Variants in DAB1 observed in about 807,000 individuals in gnomAD.
The protein encoded by DAB1 is disabled homolog 1.
Under a neutral mutation model 64.6 loss-of-function variants are expected in DAB1, and 15 were observed. The ratio of observed to expected loss-of-function variants is 0.23; its 90% confidence interval spans 0.16 to 0.36. The LOEUF (loss-of-function observed/expected upper bound fraction) is 0.36. Ranked by LOEUF, DAB1 falls within the 10% of genes least tolerant of loss-of-function variation. DAB1 has a pLI of 1.00. For synonymous variants in DAB1, 235 were observed against 251.9 expected (o/e 0.93, Z 0.64); for missense variants, 596 against 706.7 (o/e 0.84, Z 1.78).
In DAB1 at chr1:57,570,375, G is replaced by A. The variant is rs1467558947; in HGVS notation, n.625+79217C>T. On this transcript the variant is annotated intron_variant and non_coding_transcript_variant, in intron 7 of 20. Transcript: ENST00000485760. ...ATTGTGGGGCCTTGTGATTACGTGA[G>A]TTAATACTTAACAAACTCATATATA... 3.0e-5 allele frequency among the ~76,000 whole-genome samples: 4 copies of A among 133,868 alleles called. No individual in the cohort carries two copies. In the East Asian group the frequency reaches 9.2e-4, roughly 31 times the overall value. The allele number at this position is 133,868 out of a possible 152,430, so 87.8% of individuals were successfully genotyped here.
At chr1:57,982,004 G>A (rs370023431) in intron 5 of DAB1, among the ~76,000 whole-genome samples, 64 of 152,308 alleles carry the variant, frequency 4.2e-4, no homozygotes, top group African/African-American at 1.5e-3. Context: ...ACTGCCTTTG[G>A]ATCAACTGGC....
chr1:57,518,564 T>C (rs1192056868), intron 7 of DAB1, among the ~76,000 whole-genome samples: 1 of 152,244 alleles, frequency 6.6e-6, no homozygotes, highest in Non-Finnish European at 1.5e-5. Flanking sequence ...GATTCCTTTT[T>C]TTCATGTGTG....
At chr1:58,377,264 C>T (rs1644337080) in intron 3 of DAB1, among the ~76,000 whole-genome samples, 3 of 147,688 alleles carry the variant, frequency 2.0e-5, no homozygotes, top group Non-Finnish European at 4.5e-5. Context: ...GATGCAGTTT[C>T]TTCCTAGTCT....
chr1:57,645,780 A>C (rs550836218), intron 7 of DAB1, among the ~76,000 whole-genome samples: 2 of 152,346 alleles, frequency 1.3e-5, no homozygotes, highest in East Asian at 3.9e-4. Flanking sequence ...TTTGAATCTA[A>C]GACATTCAGC....
chr1:57,957,474 T>A (rs903184834), intron 5 of DAB1, among the ~76,000 whole-genome samples: 37 of 152,206 alleles, frequency 2.4e-4, no homozygotes, highest in African/African-American at 8.4e-4. Flanking sequence ...CTTTGAGATA[T>A]ATATTAGACA....
intron 4 of DAB1, among the ~76,000 whole-genome samples, chr1:58,165,087 G>A (rs1655753837): frequency 6.6e-6 from 1 of 152,106 alleles, no homozygotes; most frequent in Admixed American, 6.6e-5. Flanking sequence ...TGCTCCTTTT[G>A]AAAGGGGCCC....
chr1:57,923,982 T>C (rs1021967829), intron 5 of DAB1, among the ~76,000 whole-genome samples: 2 of 152,240 alleles, frequency 1.3e-5, no homozygotes, highest in African/African-American at 2.4e-5. Flanking sequence ...TTAAAGCCAT[T>C]GGACTAGCAA....
chr1:57,014,740 T>TAG, intron 12 of DAB1, 143 bp downstream of exon 12: 2 of 572,184 alleles, frequency 3.5e-6, no homozygotes, highest in Non-Finnish European at 5.8e-6. Flanking sequence ...TGGCAGCTCA[T>TAG]AGTAGTATTA....
chr1:58,443,646 G>A (rs1477559743), intron 3 of DAB1, among the ~76,000 whole-genome samples: 1 of 152,168 alleles, frequency 6.6e-6, no homozygotes, highest in Non-Finnish European at 1.5e-5. Flanking sequence ...GGGTAGGTGA[G>A]AACTCTCTGT....
At chr1:58,499,603 TA>T (rs1645869852) in intron 3 of DAB1, among the ~76,000 whole-genome samples, 1 of 152,132 alleles carries the variant, frequency 6.6e-6, no homozygotes. Context: ...CTACAGTTAA[TA>T]AAAATGTACT....
chr1:58,054,726 C>T (rs985849013), intron 5 of DAB1, among the ~76,000 whole-genome samples: 11 of 152,266 alleles, frequency 7.2e-5, no homozygotes, highest in African/African-American at 2.6e-4. Flanking sequence ...GTCTTTATTG[C>T]ATATAGGATA....
chr1:57,264,732 T>A (rs1670458228), intron 2 of DAB1, among the ~76,000 whole-genome samples: 1 of 152,114 alleles, frequency 6.6e-6, no homozygotes, highest in East Asian at 1.9e-4. Context: ...CTGGGTCAAT[T>A]CCCTACTACC....
At chr1:58,481,414 T>C (rs1332918728) in intron 3 of DAB1, among the ~76,000 whole-genome samples, 1 of 152,170 alleles carries the variant, frequency 6.6e-6, no homozygotes, top group East Asian at 1.9e-4. Flanking sequence ...ATTAATAATC[T>C]GTAACAACTG....
chr1:57,228,234 A>G (rs1232500841), intron 2 of DAB1, among the ~76,000 whole-genome samples: 4 of 152,162 alleles, frequency 2.6e-5, no homozygotes, highest in Non-Finnish European at 5.9e-5. Context: ...TATCCATTTT[A>G]TAATCTGTCA....
chr1:58,379,767 G>C (rs1176860869), intron 3 of DAB1, among the ~76,000 whole-genome samples: 18 of 152,206 alleles, frequency 1.2e-4, no homozygotes, highest in Admixed American at 1.2e-3. Flanking sequence ...GCTGGGATGA[G>C]TACTGTGGAG....
chr1:58,444,994 A>G (rs1557763950), intron 3 of DAB1, among the ~76,000 whole-genome samples: 4 of 152,194 alleles, frequency 2.6e-5, no homozygotes, highest in Non-Finnish European at 2.9e-5. Context: ...TTCTACCTCA[A>G]ATATATATCA....
chr1:58,435,140 T>G (rs1169509808), intron 3 of DAB1, among the ~76,000 whole-genome samples: 1 of 152,178 alleles, frequency 6.6e-6, no homozygotes, highest in Non-Finnish European at 1.5e-5. Flanking sequence ...GGGAGATTGG[T>G]GGGCAGGAGG....
rs138559172 is a variant in DAB1, at chr1:58,134,542, C to A, written n.387+15969G>T. Among the ~76,000 whole-genome samples the A allele has an allele frequency of 2.0e-4, 30 of 152,160 alleles. No homozygotes were observed. The East Asian group carries it at 4.0e-3, about 21-fold the overall frequency. ...AAAAAAAAAAGAGGTTTAATCAGCT[C>A]ATGCTTCTGCAGGCTGTACAGGCGT... On this transcript the variant is annotated intron_variant and non_coding_transcript_variant, in intron 5 of 20. Transcript: ENST00000485760.
At chr1:57,589,238 C>CA (rs1003622631) in intron 7 of DAB1, among the ~76,000 whole-genome samples, 21 of 151,650 alleles carry the variant, frequency 1.4e-4, no homozygotes, top group Non-Finnish European at 5.9e-5. Flanking sequence ...AAAAAACAAA[C>CA]AAAAAAACCA....
Sources: gnomAD v4.1 joint callset for allele counts (sites outside exome capture counted in the v4.1 genomes callset) on GRCh38, gnomAD v4.1.1 for gene constraint, MANE v1.5 for transcripts, NCBI Gene and HGNC (gene_info 2026-07-23, HGNC 2026-07-21) for gene names.